UVRAG: variants seen among roughly 807,000 people sequenced by gnomAD.
UVRAG encodes UV radiation resistance-associated gene protein.
A neutral mutation model predicts 78.0 loss-of-function variants in UVRAG; 19 were observed. That is an observed-to-expected ratio of 0.24 (90% CI 0.17 to 0.36). UVRAG has a LOEUF of 0.36. Ranked by LOEUF, UVRAG falls within the 10% of genes least tolerant of loss-of-function variation. The pLI is 1.00. For missense variants in UVRAG, 740 were observed against 853.8 expected, an observed-to-expected ratio of 0.87 and a Z score of 1.66; for synonymous variants, 323 against 324.6, an observed-to-expected ratio of 1.00 and a Z score of 0.05.
At chr11:76,030,767 T>C (rs534936415) in intron 12 of UVRAG, among the ~76,000 whole-genome samples, 1 of 152,318 alleles carries the variant, frequency 6.6e-6, no homozygotes, top group East Asian at 1.9e-4. Context: ...ATCAAAACTT[T>C]CATCGTAAGC....
intron 3 of UVRAG, among the ~76,000 whole-genome samples, chr11:75,872,348 CA>C (rs1340844150): frequency 6.6e-6 from 1 of 150,840 alleles, no homozygotes; most frequent in Admixed American, 6.6e-5. Context: ...AGACAGTCCC[CA>C]CAACATGGCC....
chr11:75,908,272 A>AATGGTGATTTAATGGTGATT (rs1947660783), intron 5 of UVRAG, among the ~76,000 whole-genome samples: 1 of 152,200 alleles, frequency 6.6e-6, no homozygotes, highest in East Asian at 1.9e-4. Context: ...TTAATGGTGA[A>AATGGTGATTTAATGGTGATT]TAATATTTCC....
intron 12 of UVRAG, among the ~76,000 whole-genome samples, chr11:76,063,250 TCA>T (rs1389004605): frequency 6.6e-6 from 1 of 152,162 alleles, no homozygotes; most frequent in Non-Finnish European, 1.5e-5. Flanking sequence ...AACCAAGTAA[TCA>T]CACAGTGAGT....
chr11:75,927,660 C>T (rs889528215), intron 6 of UVRAG, among the ~76,000 whole-genome samples: 3 of 151,764 alleles, frequency 2.0e-5, no homozygotes, highest in African/African-American at 7.3e-5. Flanking sequence ...CAGGGAAGAC[C>T]TCACTGAGAA....
At chr11:75,961,229 G>A (rs533336515) in intron 6 of UVRAG, among the ~76,000 whole-genome samples, 4 of 152,044 alleles carry the variant, frequency 2.6e-5, no homozygotes, top group African/African-American at 7.2e-5. Context: ...TACATCAGAG[G>A]CAGGCAGGCA....
intron 6 of UVRAG, among the ~76,000 whole-genome samples, chr11:75,952,795 A>T (rs765384039): frequency 2.0e-5 from 3 of 151,900 alleles, no homozygotes; most frequent in African/African-American, 7.3e-5. Context: ...GGTCATGTTG[A>T]CCTCATGAAA....
chr11:76,117,848 G>C (rs1480969838), intron 14 of UVRAG, among the ~76,000 whole-genome samples: 1 of 152,214 alleles, frequency 6.6e-6, no homozygotes, highest in East Asian at 1.9e-4. Flanking sequence ...AGAGGATGGA[G>C]AGAGCCAAGA....
At chr11:75,957,745 T>A (rs1351037730) in intron 6 of UVRAG, among the ~76,000 whole-genome samples, 2 of 152,336 alleles carry the variant, frequency 1.3e-5, no homozygotes, top group African/African-American at 4.8e-5. Flanking sequence ...TTGCACATCT[T>A]TTGTTTATTT....
At chr11:75,967,164 T>G (rs1375384570) in intron 7 of UVRAG, among the ~76,000 whole-genome samples, 2 of 152,324 alleles carry the variant, frequency 1.3e-5, no homozygotes, top group Non-Finnish European at 2.9e-5. Context: ...AATTTTTGTA[T>G]TTTATCCATA....
intron 6 of UVRAG, among the ~76,000 whole-genome samples, chr11:75,923,700 C>T (rs927962395): frequency 2.6e-5 from 4 of 152,114 alleles, no homozygotes; most frequent in Non-Finnish European, 5.9e-5. Flanking sequence ...TAGTACTCAT[C>T]GCTCTGTCCA....
intron 7 of UVRAG, among the ~76,000 whole-genome samples, chr11:75,980,362 C>T (rs980932004): frequency 1.3e-5 from 2 of 152,088 alleles, no homozygotes; most frequent in East Asian, 3.9e-4. Flanking sequence ...GATGGGGTTT[C>T]ACTGTATTGC....
chr11:76,048,282 G>A (rs1020857371), intron 12 of UVRAG, among the ~76,000 whole-genome samples: 6 of 152,206 alleles, frequency 3.9e-5, no homozygotes, highest in African/African-American at 1.4e-4. Context: ...GACTGACCCA[G>A]GGGGACCATG....
At chr11:76,087,410 C>T (rs1433568235) in intron 13 of UVRAG, among the ~76,000 whole-genome samples, 1 of 152,160 alleles carries the variant, frequency 6.6e-6, no homozygotes, top group Admixed American at 6.5e-5. Flanking sequence ...GCTTCATGTC[C>T]TCAGTGAATA....
intron 6 of UVRAG, among the ~76,000 whole-genome samples, chr11:75,933,924 C>A (rs1033284526): frequency 6.6e-6 from 1 of 152,168 alleles, no homozygotes; most frequent in Non-Finnish European, 1.5e-5. Flanking sequence ...AGTACAACCA[C>A]TATGGAGAAT....
At chr11:75,937,739 A>G (rs1265392947) in intron 6 of UVRAG, among the ~76,000 whole-genome samples, 4 of 151,892 alleles carry the variant, frequency 2.6e-5, no homozygotes, top group African/African-American at 7.3e-5. Context: ...CATACCTGGT[A>G]TTTGTTGGTA....
chr11:75,870,081 AAAAAAATCATCTG>A lies in UVRAG; in HGVS notation c.270+8302_270+8314del, dbSNP rs1565354168. 9.2e-5 allele frequency among the ~76,000 whole-genome samples: 14 copies of A among 152,302 alleles called. No individual in the cohort carries two copies. In the Middle Eastern group the frequency reaches 0.01, roughly 111 times the overall value. ...GGGTATGTATAGGTTAAATATAAAT[AAAAAAATCATCTG>A]GGTCTATATAGTAAAAATAGTAGGC... is the stretch of plus-strand genomic sequence containing the variant. On this transcript the variant is annotated intron_variant, in intron 3 of 14. Transcript: ENST00000356136.
At chr11:76,024,356 G>C (rs1950294113) in intron 12 of UVRAG, among the ~76,000 whole-genome samples, 2 of 152,150 alleles carry the variant, frequency 1.3e-5, no homozygotes, top group Non-Finnish European at 2.9e-5. Flanking sequence ...GGTAAGGCCA[G>C]CTGGTTTTAG....
chr11:75,864,747 A>G (rs1380973914), intron 3 of UVRAG, among the ~76,000 whole-genome samples: 2 of 152,270 alleles, frequency 1.3e-5, no homozygotes, highest in Non-Finnish European at 2.9e-5. Flanking sequence ...TGAAACTGCA[A>G]ATCTTCAATT....
chr11:75,938,023 ATAAC>A lies in UVRAG; in HGVS notation c.594-23417_594-23414del, dbSNP rs1948408118. On this transcript the variant is annotated intron_variant, in intron 6 of 14. Transcript: ENST00000356136. ...CATCAGGTTTACTGTTTTTCTTGTA[ATAAC>A]TAATTTGTTCATCCATCCTTTAAAA... Among the ~76,000 whole-genome samples, 4 of 152,050 alleles carry A rather than the reference ATAAC, an allele frequency of 2.6e-5. No homozygotes were observed. In the South Asian group the frequency reaches 8.3e-4, roughly 31 times the overall value.
Sources: allele counts gnomAD v4.1 joint callset (sites outside exome capture counted in the v4.1 genomes callset), GRCh38; gene constraint gnomAD v4.1.1; transcripts MANE v1.5; gene names NCBI Gene and HGNC (gene_info 2026-07-23, HGNC 2026-07-21).